The following WAPL variants were observed in gnomAD, a reference collection of about 807,000 sequenced individuals.
WAPL encodes wings apart-like protein homolog.
Under a neutral mutation model 121.0 loss-of-function variants are expected in WAPL, and 5 were observed. That is an observed-to-expected ratio of 0.04 (90% CI 0.02 to 0.09). The LOEUF is 0.09. Ranked by LOEUF, WAPL falls within the 10% of genes least tolerant of loss-of-function variation. The probability of loss-of-function intolerance (pLI) is 1.00; values close to 1 mark genes in which losing one functional copy is unlikely to be tolerated. For missense variants in WAPL, 999 were observed against 1,410.8 expected (o/e 0.71, Z 4.68); for synonymous variants, 480 against 481.5 (o/e 1.00, Z 0.04).
At position 86,472,159 on chromosome 10, in the gene WAPL, A is replaced by C. The variant is rs1224653241; in HGVS notation, c.2030+49T>G. 1 of 1,493,108 alleles carries C rather than the reference A, an allele frequency of 6.7e-7. No homozygotes were observed. Among genetic ancestry groups the C allele is most frequent in the Non-Finnish European group, 8.9e-7 (1 of 1,127,582 alleles). The allele number at this position is 1,493,108 out of a possible 1,614,324, so 92.5% of individuals were successfully genotyped here. A position where few individuals can be genotyped will look rare whatever the true frequency, so the allele number is the denominator to read the frequency against. On this transcript the variant is annotated intron_variant, in intron 7 of 18. Coordinates refer to ENST00000298767, the MANE Select transcript of WAPL (RefSeq NM_015045.5). The surrounding 1 kb of genome is among the most constrained non-coding windows in gnomAD (Gnocchi z 4.2). ...TTTTGGACAACACCTAGTTGAAAAA[A>C]TTTAATACAGCATGCACATAATTGT...
chr10:86,440,163 T>C (rs1008234680), intron 17 of WAPL, among the ~76,000 whole-genome samples: 1 of 152,092 alleles, frequency 6.6e-6, no homozygotes, highest in Non-Finnish European at 1.5e-5. Context: ...CCAAGATAAA[T>C]CATATGTGGT....
intron 13 of WAPL, 108 bp downstream of exon 13, chr10:86,453,548 T>C: frequency 7.5e-7 from 1 of 1,341,542 alleles, no homozygotes; most frequent in Non-Finnish European, 1.0e-6. Flanking sequence ...TCAAGTACAT[T>C]ATGACAAATA....
chr10:86,514,021 G>C (rs1027952033), intron 2 of WAPL, among the ~76,000 whole-genome samples: 1 of 152,088 alleles, frequency 6.6e-6, no homozygotes, highest in African/African-American at 2.4e-5. Context: ...TTCTCAGAAG[G>C]GTCCCTAAAG....
chr10:86,496,877 G>C, intron 4 of WAPL, among the ~76,000 whole-genome samples: 1 of 42,628 alleles, frequency 2.3e-5, no homozygotes, highest in Non-Finnish European at 6.8e-5. Flanking sequence ...GTATTGACTA[G>C]GTGTGCAGTG....
intron 2 of WAPL, among the ~76,000 whole-genome samples, chr10:86,501,956 T>C (rs572181023): frequency 6.6e-6 from 1 of 152,282 alleles, no homozygotes; most frequent in South Asian, 2.1e-4. Flanking sequence ...CCTCCCAAAG[T>C]GCTACAATCA....
rs377698753 is a variant in WAPL at position 86,453,279 on chromosome 10, A to T, written c.2890T>A (p.Cys964Ser). Residue 964 changes from cysteine to serine, a missense_variant, in exon 14 of 19, where the codon TGT becomes AGT. Physicochemically the swap from Cys to Ser is moderately radical, Grantham distance 112 (BLOSUM62 -1). Around this residue, in one of 7 missense-constraint regions of WAPL, gnomAD observed 85 missense variants for 133.5 expected, o/e 0.64. Transcript: ENST00000298767. The stretch of plus-strand genomic sequence containing the variant: ...AGGTACTTTGGAACCTGAAGCACAC[A>T]GTTCAGCGCTGTGCCTATGAGACCG... ...QDGLIGTALN[C>S]VLQVPKYLPQ... 5 of 1,614,168 alleles carry T rather than the reference A, an allele frequency of 3.1e-6. No homozygotes were observed. The highest frequency in any genetic ancestry group is 4.2e-6 in the Non-Finnish European group (5 of 1,180,018).
Position 86,461,130 on chromosome 10 carries a change from A to C in WAPL, c.2482+46T>G, listed in dbSNP as rs761613897. 4.3e-6 allele frequency: 6 copies of C among 1,402,732 alleles called. No individual in the cohort carries two copies. The South Asian group carries it at 6.2e-5, about 14-fold the overall frequency. 86.9% of individuals were successfully genotyped at this position (1,402,732 alleles called of 1,614,324 possible). The stretch of plus-strand genomic sequence containing the variant: ...AGTACGTCAATGGAGTATTTTCTTC[A>C]GGCTTTAAATAATATATAAAAACAT... On this transcript the variant is annotated intron_variant, in intron 10 of 18. Transcript: ENST00000298767.
chr10:86,520,232 T>C (rs1412345509), intron 1 of WAPL, among the ~76,000 whole-genome samples: 1 of 151,822 alleles, frequency 6.6e-6, no homozygotes, highest in Non-Finnish European at 1.5e-5. Flanking sequence ...GAGGCGGAGG[T>C]TGCGGTGAGC....
chr10:86,515,157 G>A (rs181219321), intron 2 of WAPL, among the ~76,000 whole-genome samples: 3 of 151,886 alleles, frequency 2.0e-5, no homozygotes, highest in Admixed American at 2.0e-4. Flanking sequence ...CTACTCGGGG[G>A]GACTGGGGCA....
At chr10:86,470,867 A>G (rs1425883049) in intron 8 of WAPL, 125 bp downstream of exon 8, 1 of 757,494 alleles carries the variant, frequency 1.3e-6, no homozygotes, top group African/African-American at 1.8e-5. Flanking sequence ...AATTTAGCAA[A>G]TAAAATGAAC....
At chr10:86,504,352 T>C (rs1156567099) in intron 2 of WAPL, among the ~76,000 whole-genome samples, 1 of 3,188 alleles carries the variant, frequency 3.1e-4, no homozygotes, top group Non-Finnish European at 6.6e-4. Flanking sequence ...GGTAGTATTC[T>C]AAATACTTTC....
At chr10:86,471,199 A>G in intron 7 of WAPL, 96 bp from the exon 8 acceptor site, 1 of 895,964 alleles carries the variant, frequency 1.1e-6, no homozygotes, top group South Asian at 1.5e-5. Flanking sequence ...GGAAGGGGGT[A>G]AAAGGGTCAA....
chr10:86,474,372 G>A (rs1437473890), intron 4 of WAPL, among the ~76,000 whole-genome samples: 1 of 152,048 alleles, frequency 6.6e-6, no homozygotes, highest in Admixed American at 6.6e-5. Context: ...AAAATTAGCT[G>A]GGCATGGTGG....
chr10:86,460,442 G>A lies in WAPL; in HGVS notation c.2537C>T (p.Ala846Val). The change falls in exon 11 of 19, where the codon GCC (alanine) becomes GTC (valine). Residue 846 changes from alanine (A) to valine (V), a missense_variant. Around this residue, in one of 7 missense-constraint regions of WAPL, gnomAD observed 118 missense variants for 318.3 expected, o/e 0.37. Coordinates refer to ENST00000298767, the MANE Select transcript of WAPL (RefSeq NM_015045.5). ...ACATCTCTCTGCTCCCCATAGTGAG[G>A]CTACCAGTTTCTCTTCATCCTCATC... ...SRDEDEEKLV[A>V]SLWGAERCLR... is the part of the protein sequence containing the mutation. 6.2e-7 allele frequency: 1 copy of A among 1,613,690 alleles called. No individual in the cohort carries two copies. Among genetic ancestry groups the A allele is most frequent in the Non-Finnish European group, 8.5e-7 (1 of 1,179,964 alleles).
intron 4 of WAPL, among the ~76,000 whole-genome samples, chr10:86,474,428 T>G (rs1459437901): frequency 6.7e-6 from 1 of 150,078 alleles, no homozygotes; most frequent in Non-Finnish European, 1.5e-5. Flanking sequence ...GGCAGGAGAA[T>G]CACCTGAATC....
intron 4 of WAPL, chr10:86,488,533 GA>G (rs1841974397): frequency 6.6e-6 from 1 of 152,246 alleles, no homozygotes; most frequent in Non-Finnish European, 1.5e-5. Flanking sequence ...CAAATTCGTA[GA>G]GCGTTAAAAT....
At chr10:86,485,414 G>A (rs1841909558) in intron 4 of WAPL, among the ~76,000 whole-genome samples, 1 of 152,016 alleles carries the variant, frequency 6.6e-6, no homozygotes, top group South Asian at 2.1e-4. Context: ...GCACCCACCT[G>A]TAGTCCCAGC....
At chr10:86,469,640 AT>A (rs1841489599) in intron 8 of WAPL, among the ~76,000 whole-genome samples, 1 of 152,210 alleles carries the variant, frequency 6.6e-6, no homozygotes, top group Non-Finnish European at 1.5e-5. Context: ...CATTTGGGAT[AT>A]TCCAACACTT....
chr10:86,437,749 A>T, intron 18 of WAPL, 141 bp from the exon 19 acceptor site: 1 of 1,064,162 alleles, frequency 9.4e-7, no homozygotes. Flanking sequence ...TGGGTTTGAT[A>T]AAGTTATTTG....
Sources: gnomAD v4.1 joint callset for allele counts (sites outside exome capture counted in the v4.1 genomes callset) on GRCh38, gnomAD v4.1.1 for gene constraint, gnomAD v4.1.1 regional missense constraint, Gnocchi (gnomAD v3.1) non-coding constraint, MANE v1.5 for transcripts, NCBI Gene and HGNC (gene_info 2026-07-23, HGNC 2026-07-21) for gene names.